The following RBFOX1 variants were observed in gnomAD, a reference collection of about 807,000 sequenced individuals.
The protein encoded by RBFOX1 is RNA binding fox-1 homolog 1.
Under a neutral mutation model 57.7 loss-of-function variants are expected in RBFOX1, and 8 were observed. That is an observed-to-expected ratio of 0.14 (90% confidence interval 0.08 to 0.25). The LOEUF (loss-of-function observed/expected upper bound fraction) is 0.25. Among genes scored for constraint, RBFOX1 ranks in the 10% least tolerant of loss-of-function variants. The pLI is 1.00. For synonymous variants in RBFOX1, 326 were observed against 222.4 expected, an observed-to-expected ratio of 1.47 and a Z score of -4.15; for missense variants, 611 against 548.5, an observed-to-expected ratio of 1.11 and a Z score of -1.14.
At chr16:5,506,759 T>G (rs2043393802) in intron 2 of RBFOX1, among the ~76,000 whole-genome samples, 1 of 152,186 alleles carries the variant, frequency 6.6e-6, no homozygotes, top group African/African-American at 2.4e-5. Flanking sequence ...CTTGAAATGT[T>G]GAAAGTTTTA....
chr16:5,350,738 C>T (rs919255110), intron 1 of RBFOX1, among the ~76,000 whole-genome samples: 58 of 152,178 alleles, frequency 3.8e-4, no homozygotes, highest in African/African-American at 1.4e-3. Context: ...TGGTAGTGGG[C>T]GCCTGTAACC....
downstream of RBFOX1, among the ~76,000 whole-genome samples, chr16:5,603,851 T>G (rs1367664403): frequency 6.6e-6 from 1 of 152,252 alleles, no homozygotes; most frequent in African/African-American, 2.4e-5. Flanking sequence ...AAATGCATCC[T>G]GAACTCGTGG....
At chr16:6,757,148 A>C (rs1442049127) in intron 3 of RBFOX1, among the ~76,000 whole-genome samples, 3 of 152,188 alleles carry the variant, frequency 2.0e-5, no homozygotes, top group Non-Finnish European at 4.4e-5. Context: ...ATAAAAAATA[A>C]ATGCTAGCAA....
At chr16:6,361,628 T>TTAAAAAAAAAAAAAAAAAAAAAAAAAAAA (rs1371587081) in intron 2 of RBFOX1, among the ~76,000 whole-genome samples, 5 of 127,930 alleles carry the variant, frequency 3.9e-5, no homozygotes, top group African/African-American at 1.2e-4. Flanking sequence ...ACTCTGTCTC[T>TTAAAAAAAAAAAAAAAAAAAAAAAAAAAA]AAAAAAAAAA....
chr16:7,176,530 G>C (rs865920232), intron 4 of RBFOX1, among the ~76,000 whole-genome samples: 3 of 152,070 alleles, frequency 2.0e-5, no homozygotes, highest in African/African-American at 7.2e-5. Context: ...TGTAAATACA[G>C]TTATAGTGGA....
At chr16:5,871,445 G>A (rs2057468235) in intron 4 of RBFOX1, among the ~76,000 whole-genome samples, 1 of 152,204 alleles carries the variant, frequency 6.6e-6, no homozygotes, top group Admixed American at 6.5e-5. Context: ...GTTCCATTTT[G>A]TTCCTAAGTT....
At chr16:7,702,185 G>T (rs1391766274) in intron 14 of RBFOX1, among the ~76,000 whole-genome samples, 1 of 152,300 alleles carries the variant, frequency 6.6e-6, no homozygotes, top group African/African-American at 2.4e-5. Context: ...TGGAGATTTT[G>T]GTTGTGTGGT....
intron 4 of RBFOX1, among the ~76,000 whole-genome samples, chr16:7,415,649 C>G (rs578201647): frequency 6.6e-6 from 1 of 152,116 alleles, no homozygotes; most frequent in Non-Finnish European, 1.5e-5. Context: ...ATTCTCTGTT[C>G]TCTCTCTTAA....
Position 7,619,005 on chromosome 16 carries a change from T to C in RBFOX1, c.677-11598T>C, listed in dbSNP as rs1030601608. On this transcript the variant is annotated intron_variant, in intron 10 of 15. Transcript: ENST00000550418. ...AATTATGCCGTATGCTACGTTCTAATGAGTTTTTCATTAAACTGTATACCA... is the reference window on the plus strand; with the variant it reads ...AATTATGCCGTATGCTACGTTCTAACGAGTTTTTCATTAAACTGTATACCA... Among the ~76,000 whole-genome samples the C allele has an allele frequency of 7.2e-5, 11 of 152,234 alleles. No individual in the cohort carries two copies. In the East Asian group the frequency reaches 1.5e-3, roughly 21 times the overall value.
intron 2 of RBFOX1, among the ~76,000 whole-genome samples, chr16:6,384,083 T>G (rs915352187): frequency 2.7e-5 from 4 of 146,614 alleles, no homozygotes; most frequent in African/African-American, 1.0e-4. Context: ...TTTTTTCTTC[T>G]AAGATGTTGC....
chr16:6,624,841 T>C (rs78974431), intron 2 of RBFOX1, among the ~76,000 whole-genome samples: 1,567 of 152,170 alleles, frequency 0.01, 37 homozygotes, highest in African/African-American at 0.035. Flanking sequence ...TAACCCCCCA[T>C]GTAAGACCAG....
At chr16:6,370,497 G>A (rs1320483851) in intron 2 of RBFOX1, among the ~76,000 whole-genome samples, 1 of 151,100 alleles carries the variant, frequency 6.6e-6, no homozygotes, top group Non-Finnish European at 1.5e-5. Flanking sequence ...AAAAAAGCAC[G>A]AGTCTTTTAA....
intron 2 of RBFOX1, among the ~76,000 whole-genome samples, chr16:5,518,584 A>G (rs1216233417): frequency 1.3e-5 from 2 of 152,222 alleles, no homozygotes; most frequent in African/African-American, 4.8e-5. Flanking sequence ...GAGGAAATCC[A>G]TAAACCTGCA....
chr16:6,200,489 A>G (rs1460235683), intron 1 of RBFOX1, among the ~76,000 whole-genome samples: 1 of 152,306 alleles, frequency 6.6e-6, no homozygotes, highest in Admixed American at 6.5e-5. Flanking sequence ...CGATAACACA[A>G]CATATGTGTT....
At chr16:6,943,180 C>G (rs910246316) in intron 3 of RBFOX1, among the ~76,000 whole-genome samples, 10 of 152,198 alleles carry the variant, frequency 6.6e-5, no homozygotes, top group African/African-American at 4.8e-5. Flanking sequence ...CTCCACAGAC[C>G]TGAGCTTGGC....
At chr16:6,655,553 A>G (rs1441175645) in intron 3 of RBFOX1, among the ~76,000 whole-genome samples, 1 of 152,098 alleles carries the variant, frequency 6.6e-6, no homozygotes. Context: ...ACTTAATGTG[A>G]ATCCCCTCAG....
chr16:6,265,791 C>A (rs1335187289), intron 1 of RBFOX1, among the ~76,000 whole-genome samples: 2 of 152,128 alleles, frequency 1.3e-5, no homozygotes, highest in African/African-American at 4.8e-5. Context: ...ACTCTGAATT[C>A]TTCAGAATCC....
At chr16:6,837,283 C>A (rs767946697) in intron 3 of RBFOX1, among the ~76,000 whole-genome samples, 3 of 152,166 alleles carry the variant, frequency 2.0e-5, no homozygotes, top group Non-Finnish European at 4.4e-5. Context: ...GTCTGTTCCA[C>A]GAGGTGGCTC....
intron 3 of RBFOX1, among the ~76,000 whole-genome samples, chr16:6,925,225 C>T (rs1282391041): frequency 2.2e-5 from 3 of 136,768 alleles, no homozygotes; most frequent in Non-Finnish European, 3.1e-5. Context: ...CCTCTGCCTC[C>T]CGGGCTCAAG....
Sources: allele counts gnomAD v4.1 joint callset (sites outside exome capture counted in the v4.1 genomes callset), GRCh38; gene constraint gnomAD v4.1.1; transcripts MANE v1.5; gene names NCBI Gene and HGNC (gene_info 2026-07-23, HGNC 2026-07-21).